The following RING1 variants were observed in gnomAD, a reference collection of about 807,000 sequenced individuals.
RING1 encodes ring finger protein 1, also known as E3 ubiquitin-protein ligase RING1.
RING1 carries 8 observed loss-of-function variants against 35.0 expected under a neutral mutation model. The ratio of observed to expected loss-of-function variants is 0.23; its 90% confidence interval spans 0.13 to 0.41. The LOEUF (loss-of-function observed/expected upper bound fraction) is 0.41, where lower values mean the gene tolerates loss of function less well. Among genes scored for constraint, RING1 ranks in the 10% least tolerant of loss-of-function variants. The pLI is 1.00. For synonymous variants in RING1, 214 were observed against 224.3 expected (o/e 0.95, Z 0.41); for missense variants, 343 against 546.8 (o/e 0.63, Z 3.72).
chr6:33,211,768 C>A lies in RING1; in HGVS notation c.885C>A (p.Leu295=). Residue 295 remains leucine, a synonymous_variant, in exon 6 of 7, where the codon CTC becomes CTA. Coordinates refer to ENST00000374656, the MANE Select transcript of RING1 (RefSeq NM_002931.4). This position sits in a 1 kb window ranked among gnomAD's most constrained non-coding sequence, Gnocchi z 6.3. The stretch of plus-strand genomic sequence containing the variant: ...CTGGGAATGCCACAGTGGACCACCT[C>A]TCCAAGTACTTGGCCCTGCGCATTG... ...KTTGNATVDH[L]SKYLALRIAL... The A allele has an allele frequency of 6.4e-7, 1 of 1,566,726 alleles. No homozygotes were observed. Among genetic ancestry groups the A allele is most frequent in the South Asian group, 1.2e-5 (1 of 83,780 alleles).
At chr6:33,212,038 G>A (rs771410653) in intron 6 of RING1, 36 bp downstream of exon 6, 56 of 1,466,058 alleles carry the variant, frequency 3.8e-5, no homozygotes, top group Non-Finnish European at 4.8e-5. Flanking sequence ...GAAGAGGGGA[G>A]AGGAGGGAGG....
Position 33,209,881 on chromosome 6 carries a change from C to T in RING1, c.240-34C>T, listed in dbSNP as rs1225393194. 2.5e-6 allele frequency: 4 copies of T among 1,612,636 alleles called. No homozygotes were observed. The Admixed American group carries it at 6.7e-5, about 27-fold the overall frequency. ...TCAGCCTAGGCTTCAGTTCCCTTGA[C>T]TGACCACTCAGGGCTTCCCTTCTCC... On this transcript the variant is annotated intron_variant, in intron 3 of 6. Coordinates refer to ENST00000374656, the MANE Select transcript of RING1 (RefSeq NM_002931.4). The surrounding 1 kb of genome is among the most constrained non-coding windows in gnomAD (Gnocchi z 5.1).
At position 33,208,960 on chromosome 6, in the gene RING1, C is replaced by A; in HGVS notation, c.78+60C>A. On this transcript the variant is annotated intron_variant, in intron 2 of 6. Transcript: ENST00000374656. The surrounding 1 kb of genome is among the most constrained non-coding windows in gnomAD (Gnocchi z 6.2). Reference sequence around the variant, plus strand: ...CCCCCAAACCCTTATATCCACAGACCGCATCACACAGCTTCTTTTCCGTAA... The same window carrying A: ...CCCCCAAACCCTTATATCCACAGACAGCATCACACAGCTTCTTTTCCGTAA... 7.5e-7 allele frequency: 1 copy of A among 1,334,128 alleles called. No individual in the cohort carries two copies. The allele number at this position is 1,334,128 out of a possible 1,614,324, so 82.6% of individuals were successfully genotyped here.
chr6:33,212,507 AGAGGACACAAAT>A lies in RING1; in HGVS notation c.*117_*128del. 1.4e-6 allele frequency: 1 copy of A among 701,438 alleles called. No individual in the cohort carries two copies. Among genetic ancestry groups the A allele is most frequent in the Non-Finnish European group, 2.5e-6 (1 of 396,262 alleles). The allele number at this position is 701,438 out of a possible 1,614,324, so 43.5% of individuals were successfully genotyped here. A position where few individuals can be genotyped will look rare whatever the true frequency, so the allele number is the denominator to read the frequency against. On this transcript the variant is annotated 3_prime_UTR_variant, in exon 7 of 7. Coordinates refer to ENST00000374656, the MANE Select transcript of RING1 (RefSeq NM_002931.4). ...GTACCCCCAGCCCAGCCAGCCAATA[AGAGGACACAAAT>A]GAGGACACGTGGCTTTTATACAAAG... is the stretch of plus-strand genomic sequence containing the variant.
In RING1 at chr6:33,211,835, G is replaced by T. The variant is rs1178331041; in HGVS notation, c.952G>T (p.Gly318Trp). 2 of 1,611,636 alleles carry T rather than the reference G, an allele frequency of 1.2e-6. No individual in the cohort carries two copies. The highest frequency in any genetic ancestry group is 2.7e-5 in the African/African-American group (2 of 74,902). Residue 318 changes from glycine to tryptophan, a missense_variant, in exon 6 of 7, where the codon GGG (glycine) becomes TGG (tryptophan). Gly to Trp is a radical substitution (Grantham distance 184, BLOSUM62 -2). Around this residue, in one of 2 missense-constraint regions of RING1, gnomAD observed 278 missense variants for 383.5 expected, o/e 0.72. Coordinates refer to ENST00000374656, the MANE Select transcript of RING1 (RefSeq NM_002931.4). This position sits in a 1 kb window ranked among gnomAD's most constrained non-coding sequence, Gnocchi z 6.3. ...RQQQEAGEPG[G>W]PGGGASDTGG... ...ACAGCAGGAAGCAGGGGAGCCAGGA[G>T]GGCCTGGAGGGGGCGCCTCTGACAC... is the stretch of plus-strand genomic sequence containing the variant.
Position 33,211,616 on chromosome 6 carries a change from C to T in RING1, c.845+69C>T. On this transcript the variant is annotated intron_variant, in intron 5 of 6. Transcript: ENST00000374656. The surrounding 1 kb of genome is among the most constrained non-coding windows in gnomAD (Gnocchi z 6.3). The stretch of plus-strand genomic sequence containing the variant: ...CACCTAGATTTCCATCAGAAGTGGG[C>T]TTTGCCCAAACCCAAAATACCACCC... 1 of 1,572,500 alleles carries T rather than the reference C, an allele frequency of 6.4e-7. No individual in the cohort carries two copies. The highest frequency in any genetic ancestry group is 1.2e-5 in the South Asian group (1 of 85,674).
At position 33,208,972 on chromosome 6, in the gene RING1, C is replaced by G. The variant is rs114759012; in HGVS notation, c.78+72C>G. 3 of 1,261,134 alleles carry G rather than the reference C, an allele frequency of 2.4e-6. No individual in the cohort carries two copies. The highest frequency in any genetic ancestry group is 1.1e-6 in the Non-Finnish European group (1 of 878,430). 78.1% of individuals were successfully genotyped at this position (1,261,134 alleles called of 1,614,324 possible). A position where few individuals can be genotyped will look rare whatever the true frequency, so the allele number is the denominator to read the frequency against. On this transcript the variant is annotated intron_variant, in intron 2 of 6. Transcript: ENST00000374656. The surrounding 1 kb of genome is among the most constrained non-coding windows in gnomAD (Gnocchi z 6.2). Reference sequence around the variant, plus strand: ...TATATCCACAGACCGCATCACACAGCTTCTTTTCCGTAATTTGCTCTATTC... The same window carrying G: ...TATATCCACAGACCGCATCACACAGGTTCTTTTCCGTAATTTGCTCTATTC...
intron 4 of RING1, among the ~76,000 whole-genome samples, chr6:33,210,500 C>T (rs1775444158): frequency 6.6e-6 from 1 of 151,796 alleles, no homozygotes; most frequent in South Asian, 2.1e-4. Context: ...TCTTGGGAGG[C>T]TGAGGTAATA....
intron 6 of RING1, 41 bp from the exon 7 acceptor site, chr6:33,212,257 C>A: frequency 7.4e-7 from 1 of 1,360,124 alleles, no homozygotes; most frequent in South Asian, 1.2e-5. Flanking sequence ...CTCCAACTTT[C>A]CTCTCTCTTT....
chr6:33,208,737 G>C lies in RING1; in HGVS notation c.-58-28G>C. The C allele has an allele frequency of 9.3e-7, 1 of 1,076,392 alleles. No individual in the cohort carries two copies. 66.7% of individuals were successfully genotyped at this position (1,076,392 alleles called of 1,614,324 possible). On this transcript the variant is annotated intron_variant, in intron 1 of 6. Transcript: ENST00000374656. This position sits in a 1 kb window ranked among gnomAD's most constrained non-coding sequence, Gnocchi z 6.2. The stretch of plus-strand genomic sequence containing the variant: ...CTACGCGAGGGGCGGCCCCCCTGAC[G>C]CCCTCCTCCCCTTCCCCCCACCCCC...
chr6:33,212,097 T>C (rs986739769), intron 6 of RING1, 95 bp downstream of exon 6: 6 of 1,006,382 alleles, frequency 6.0e-6, no homozygotes, highest in Admixed American at 2.6e-5. Context: ...TCATCAGCAC[T>C]CTTCCCCTAT....
rs748926440 is a variant in RING1, at chr6:33,208,815, C to G, written c.-8C>G. 7 of 1,599,866 alleles carry G rather than the reference C, an allele frequency of 4.4e-6. No homozygotes were observed. In the Admixed American group the frequency reaches 1.0e-4, roughly 23 times the overall value. ...GGAGCCCTGGTGGGGGGTCTGCGCC[C>G]GGTCACCATGACGACGCCGGCGAAT... is the stretch of plus-strand genomic sequence containing the variant. On this transcript the variant is annotated 5_prime_UTR_variant, in exon 2 of 7. Coordinates refer to ENST00000374656, the MANE Select transcript of RING1 (RefSeq NM_002931.4). The surrounding 1 kb of genome is among the most constrained non-coding windows in gnomAD (Gnocchi z 6.2).
In RING1 at chr6:33,211,468, C is replaced by A; in HGVS notation, c.766C>A (p.Pro256Thr). The A allele has an allele frequency of 6.2e-7, 1 of 1,606,574 alleles. No individual in the cohort carries two copies. The highest frequency in any genetic ancestry group is 2.2e-5 in the East Asian group (1 of 44,568). The change falls in exon 5 of 7, where the codon CCA becomes ACA. Residue 256 changes from proline to threonine, a missense_variant. This residue lies in a region of RING1 where 278 missense variants were observed against 383.5 expected (regional missense o/e 0.72). Transcript: ENST00000374656. This position sits in a 1 kb window ranked among gnomAD's most constrained non-coding sequence, Gnocchi z 6.3. Reference protein sequence around the residue: ...PPSPPGAPSPPEPGGEIELVF... With the variant: ...PPSPPGAPSPTEPGGEIELVF... ...AAGCCCTCCTGGGGCCCCCAGCCCC[C>A]CAGAGCCAGGTGGAGAAATTGAGCT...
Position 33,209,134 on chromosome 6 carries a change from CA to C in RING1, c.78+239del. The stretch of plus-strand genomic sequence containing the variant: ...ATCTTCATTTGAAAGATCACAAACA[CA>C]AAAATTACCTTCCCTGTTCCTCATT... On this transcript the variant is annotated intron_variant, in intron 2 of 6. Transcript: ENST00000374656. The surrounding 1 kb of genome is among the most constrained non-coding windows in gnomAD (Gnocchi z 5.1). The C allele has an allele frequency of 1.4e-6, 1 of 696,770 alleles. No homozygotes were observed. The highest frequency in any genetic ancestry group is 2.6e-6 in the Non-Finnish European group (1 of 381,828). The allele number at this position is 696,770 out of a possible 1,614,324, so 43.2% of individuals were successfully genotyped here.
rs775562388 is a variant in RING1, at chr6:33,211,712, C to T, written c.846-17C>T. 2.6e-6 allele frequency: 4 copies of T among 1,535,888 alleles called. No individual in the cohort carries two copies. The highest frequency in any genetic ancestry group is 2.0e-5 in the Admixed American group (1 of 49,080). ...TGAGGCGCTCTGGCTCTAAGCCTGT[C>T]CTCCCTCCCATTCCAGGTATGTGAA... On this transcript the variant is annotated splice_polypyrimidine_tract_variant and intron_variant, in intron 5 of 6. Transcript: ENST00000374656. This position sits in a 1 kb window ranked among gnomAD's most constrained non-coding sequence, Gnocchi z 6.3.
rs1562453719 is a variant in RING1, at chr6:33,211,281, C to T, written c.579C>T (p.Asp193=). 2 of 1,612,578 alleles carry T rather than the reference C, an allele frequency of 1.2e-6. No homozygotes were observed. Among genetic ancestry groups the T allele is most frequent in the Non-Finnish European group, 1.7e-6 (2 of 1,179,886 alleles). ...ATGTGAGCTCAGACTCCGCCCCTGA[C>T]TCTGCCCCAGGCCCTGCTCCCAAGC... is the stretch of plus-strand genomic sequence containing the variant. The part of the protein sequence containing the change: ...GEDVSSDSAP[D]SAPGPAPKRP... Residue 193 remains aspartate, a synonymous_variant, in exon 5 of 7, where the codon GAC becomes GAT. Coordinates refer to ENST00000374656, the MANE Select transcript of RING1 (RefSeq NM_002931.4). The surrounding 1 kb of genome is among the most constrained non-coding windows in gnomAD (Gnocchi z 6.3).
At position 33,211,582 on chromosome 6, in the gene RING1, A is replaced by G. The variant is rs755800374; in HGVS notation, c.845+35A>G. The G allele has an allele frequency of 1.3e-6, 2 of 1,596,250 alleles. No individual in the cohort carries two copies. Among genetic ancestry groups the G allele is most frequent in the Non-Finnish European group, 1.7e-6 (2 of 1,175,408 alleles). On this transcript the variant is annotated intron_variant, in intron 5 of 6. Coordinates refer to ENST00000374656, the MANE Select transcript of RING1 (RefSeq NM_002931.4). This position sits in a 1 kb window ranked among gnomAD's most constrained non-coding sequence, Gnocchi z 6.3. ...CCTGTCTTTCCCCAGCCACTGAGAA[A>G]CCAAAGATCACCTAGATTTCCATCA...
In RING1 at chr6:33,208,806, G is replaced by A. The variant is rs1486026319; in HGVS notation, c.-17G>A. The A allele has an allele frequency of 2.5e-6, 4 of 1,593,320 alleles. No individual in the cohort carries two copies. The highest frequency in any genetic ancestry group is 2.3e-5 in the South Asian group (2 of 88,650). ...CTCGGCTGTGGAGCCCTGGTGGGGGGTCTGCGCCCGGTCACCATGACGACG... is the reference window on the plus strand; with the variant it reads ...CTCGGCTGTGGAGCCCTGGTGGGGGATCTGCGCCCGGTCACCATGACGACG... On this transcript the variant is annotated 5_prime_UTR_variant, in exon 2 of 7. Coordinates refer to ENST00000374656, the MANE Select transcript of RING1 (RefSeq NM_002931.4). The surrounding 1 kb of genome is among the most constrained non-coding windows in gnomAD (Gnocchi z 6.2).
rs1186235615 is a variant in RING1, at chr6:33,211,060, T to G, written c.456-98T>G. 3 of 1,341,906 alleles carry G rather than the reference T, an allele frequency of 2.2e-6. No homozygotes were observed. Among genetic ancestry groups the G allele is most frequent in the Middle Eastern group, 2.4e-4 (1 of 4,112 alleles). 83.1% of individuals were successfully genotyped at this position (1,341,906 alleles called of 1,614,324 possible). On this transcript the variant is annotated intron_variant, in intron 4 of 6. Coordinates refer to ENST00000374656, the MANE Select transcript of RING1 (RefSeq NM_002931.4). This position sits in a 1 kb window ranked among gnomAD's most constrained non-coding sequence, Gnocchi z 6.3. ...CATTGTGTTTAATAAATATTAGGTATCGTCATTAGGATTTTTCTTATCTCT... is the reference window on the plus strand; with the variant it reads ...CATTGTGTTTAATAAATATTAGGTAGCGTCATTAGGATTTTTCTTATCTCT...
Sources: allele counts gnomAD v4.1 joint callset (sites outside exome capture counted in the v4.1 genomes callset), GRCh38; gene constraint gnomAD v4.1.1; regional missense constraint gnomAD v4.1.1; non-coding constraint Gnocchi (gnomAD v3.1); transcripts MANE v1.5; gene names NCBI Gene and HGNC (gene_info 2026-07-23, HGNC 2026-07-21).